LMO7: variants seen among roughly 807,000 people sequenced by gnomAD.
LMO7 encodes the protein LIM domain 7.
Under a neutral mutation model 206.5 loss-of-function variants are expected in LMO7, and 120 were observed. The observed-to-expected ratio is 0.58, with a 90% CI of 0.50 to 0.68. The LOEUF (loss-of-function observed/expected upper bound fraction) is 0.68, where lower values mean the gene tolerates loss of function less well. LMO7 is among the 30% of genes least tolerant of loss of function. The probability of loss-of-function intolerance (pLI) is 0.00; values close to 1 mark genes in which losing one functional copy is unlikely to be tolerated. For synonymous variants in LMO7, 706 were observed against 681.5 expected (o/e 1.04, Z -0.56); for missense variants, 1,959 against 1,957.9 (o/e 1.00, Z -0.01).
At chr13:75,779,748 AG>A (rs1480638778) in intron 4 of LMO7, among the ~76,000 whole-genome samples, 1 of 152,244 alleles carries the variant, frequency 6.6e-6, no homozygotes, top group East Asian at 1.9e-4. Flanking sequence ...GAAGACAAGT[AG>A]CTTTATACAA....
At chr13:75,789,880 A>G (rs780559739) in intron 4 of LMO7, among the ~76,000 whole-genome samples, 1 of 152,156 alleles carries the variant, frequency 6.6e-6, no homozygotes, top group Non-Finnish European at 1.5e-5. Context: ...CCGATCATAA[A>G]TGAAGATAGA....
At chr13:75,792,023 A>T (rs931479504) in intron 4 of LMO7, among the ~76,000 whole-genome samples, 1 of 152,044 alleles carries the variant, frequency 6.6e-6, no homozygotes, top group South Asian at 2.1e-4. Context: ...CCTGGAGTGC[A>T]GTGGTGTGGT....
chr13:75,746,701 A>T (rs2046871953), intron 3 of LMO7, among the ~76,000 whole-genome samples: 1 of 151,936 alleles, frequency 6.6e-6, no homozygotes, highest in Non-Finnish European at 1.5e-5. Context: ...CCTTGACATT[A>T]TGTTCATTTT....
At chr13:75,621,903 A>G in intron 1 of LMO7, 1 of 1,484,368 alleles carries the variant, frequency 6.7e-7, no homozygotes, top group Non-Finnish European at 9.1e-7. Context: ...TTATATTATT[A>G]CTTTGAAAGA....
At chr13:75,696,829 A>C (rs2041938110) in intron 1 of LMO7, among the ~76,000 whole-genome samples, 1 of 152,070 alleles carries the variant, frequency 6.6e-6, no homozygotes, top group Non-Finnish European at 1.5e-5. Context: ...AGACAGGTAG[A>C]CTTGGGGTGG....
At chr13:75,747,075 G>A (rs546652740) in intron 3 of LMO7, among the ~76,000 whole-genome samples, 1 of 152,004 alleles carries the variant, frequency 6.6e-6, no homozygotes, top group South Asian at 2.1e-4. Context: ...TAAAAATCTG[G>A]ACTAAAAAAT....
chr13:75,858,049 A>G lies in LMO7; in HGVS notation c.*106A>G, dbSNP rs1257616578. 1.5e-6 allele frequency: 2 copies of G among 1,376,142 alleles called. No homozygotes were observed. The highest frequency in any genetic ancestry group is 3.0e-5 in the African/African-American group (2 of 67,502). 85.2% of individuals were successfully genotyped at this position (1,376,142 alleles called of 1,614,324 possible). A position where few individuals can be genotyped will look rare whatever the true frequency, so the allele number is the denominator to read the frequency against. Reference sequence around the variant, plus strand: ...TATGTCTTTTTTGCTTTTTTTTTAAAAAAAAGAATAACTTTTTTTGCCTCT... The same window carrying G: ...TATGTCTTTTTTGCTTTTTTTTTAAGAAAAAGAATAACTTTTTTTGCCTCT... On this transcript the variant is annotated 3_prime_UTR_variant, in exon 31 of 31. Transcript: ENST00000377534.
intron 3 of LMO7, chr13:75,760,677 CG>C (rs1227425428): frequency 2.1e-5 from 32 of 1,516,206 alleles, no homozygotes; most frequent in African/African-American, 2.8e-5. Flanking sequence ...TAATGTTTAA[CG>C]TGCCAGTCAC....
chr13:75,672,188 A>G (rs2039641322), intron 1 of LMO7, among the ~76,000 whole-genome samples: 1 of 151,694 alleles, frequency 6.6e-6, no homozygotes, highest in South Asian at 2.1e-4. Context: ...ACTTGACAGT[A>G]TAGCTTGACT....
In LMO7 at chr13:75,685,629, C is replaced by T. The variant is rs989269514; in HGVS notation, c.70-27553C>T. On this transcript the variant is annotated intron_variant, in intron 1 of 30. Transcript: ENST00000377534. Reference sequence around the variant, plus strand: ...TTATACCAAAATGGCTGCCAAAGAACGTGTTGAAATGAAACCAGAGTTTCA... The same window carrying T: ...TTATACCAAAATGGCTGCCAAAGAATGTGTTGAAATGAAACCAGAGTTTCA... Among the ~76,000 whole-genome samples, 6 of 152,056 alleles carry T rather than the reference C, an allele frequency of 3.9e-5. No individual in the cohort carries two copies. In the East Asian group the frequency reaches 7.7e-4, roughly 20 times the overall value.
intron 3 of LMO7, among the ~76,000 whole-genome samples, chr13:75,754,651 T>C (rs1189730937): frequency 6.6e-6 from 1 of 152,190 alleles, no homozygotes; most frequent in Non-Finnish European, 1.5e-5. Context: ...CTTGCTTAAA[T>C]AGGAATGATG....
chr13:75,680,019 T>A (rs955073223), intron 1 of LMO7, among the ~76,000 whole-genome samples: 5 of 152,198 alleles, frequency 3.3e-5, no homozygotes, highest in Non-Finnish European at 1.5e-5. Flanking sequence ...ACCTAAGTAT[T>A]AAGCCCAGCA....
chr13:75,667,965 T>G (rs2039217526), intron 1 of LMO7, among the ~76,000 whole-genome samples: 2 of 152,202 alleles, frequency 1.3e-5, no homozygotes, highest in Non-Finnish European at 2.9e-5. Context: ...TCCCATCATG[T>G]TGGGAGGCAA....
intron 2 of LMO7, among the ~76,000 whole-genome samples, chr13:75,724,523 T>C (rs1405483335): frequency 6.6e-6 from 1 of 152,172 alleles, no homozygotes; most frequent in African/African-American, 2.4e-5. Context: ...ATTCCATATG[T>C]GTGATTGAAG....
At chr13:75,743,337 G>T (rs1363221470) in intron 3 of LMO7, among the ~76,000 whole-genome samples, 1 of 152,110 alleles carries the variant, frequency 6.6e-6, no homozygotes, top group African/African-American at 2.4e-5. Flanking sequence ...TCTACCATTT[G>T]ACTCAGAAAT....
chr13:75,634,635 C>T (rs1183312081), upstream of LMO7, among the ~76,000 whole-genome samples: 1 of 151,964 alleles, frequency 6.6e-6, no homozygotes, highest in Non-Finnish European at 1.5e-5. Context: ...CCCAGCTACT[C>T]GAGAGGCTGA....
At chr13:75,726,885 G>A (rs1165505902) in intron 2 of LMO7, 144 bp from the exon 3 acceptor site, 2 of 642,334 alleles carry the variant, frequency 3.1e-6, no homozygotes, top group East Asian at 2.9e-5. Context: ...TTGATATCTT[G>A]GTTATTTGCT....
At chr13:75,759,159 C>T (rs1284749703) in intron 3 of LMO7, among the ~76,000 whole-genome samples, 1 of 152,130 alleles carries the variant, frequency 6.6e-6, no homozygotes, top group Non-Finnish European at 1.5e-5. Flanking sequence ...ATCACGAGAA[C>T]AGCATGGGGG....
Position 75,629,703 on chromosome 13 carries a change from G to T in LMO7, c.225+6383G>T, listed in dbSNP as rs1442834046. On this transcript the variant is annotated intron_variant, in intron 2 of 29. Coordinates refer to the LMO7 transcript ENST00000341547. ...AGAGGGGTTAATTGGGGCAGGAGTG[G>T]GGAGTGTGTTGGTGGTTTAAGAGTT... Among the ~76,000 whole-genome samples, 3 of 152,188 alleles carry T rather than the reference G, an allele frequency of 2.0e-5. No individual in the cohort carries two copies. The East Asian group carries it at 5.8e-4, about 29-fold the overall frequency.
Sources: allele counts gnomAD v4.1 joint callset (sites outside exome capture counted in the v4.1 genomes callset), GRCh38; gene constraint gnomAD v4.1.1; transcripts MANE v1.5; gene names NCBI Gene and HGNC (gene_info 2026-07-23, HGNC 2026-07-21).